Variants in MICAL3 observed in about 807,000 individuals in gnomAD.
MICAL3 encodes [F-actin]-monooxygenase MICAL3.
In MICAL3, 62 loss-of-function variants were observed where a neutral mutation model predicts 207.4. That is an observed-to-expected ratio of 0.30 (90% confidence interval 0.24 to 0.37). The LOEUF is 0.37. Ranked by LOEUF, MICAL3 falls within the 10% of genes least tolerant of loss-of-function variation. The pLI is 1.00. For missense variants in MICAL3, 2,368 were observed against 2,635.6 expected (o/e 0.90, Z 2.22); for synonymous variants, 1,077 against 1,069.3 (o/e 1.01, Z -0.14).
chr22:17,990,676 T>G (rs567400588), intron 1 of MICAL3, among the ~76,000 whole-genome samples: 12 of 152,276 alleles, frequency 7.9e-5, no homozygotes, highest in Middle Eastern at 3.4e-3. Context: ...CTGATTTAGC[T>G]CCACCATTTA....
At chr22:17,854,684 T>C (rs552341975) in intron 19 of MICAL3, among the ~76,000 whole-genome samples, 1 of 152,332 alleles carries the variant, frequency 6.6e-6, no homozygotes, top group African/African-American at 2.4e-5. Context: ...ACTCTACTGA[T>C]GGAAGGTGAT....
At chr22:17,976,790 C>T (rs2146425432) in intron 1 of MICAL3, among the ~76,000 whole-genome samples, 1 of 148,202 alleles carries the variant, frequency 6.7e-6, no homozygotes, top group Non-Finnish European at 1.5e-5. Context: ...TTACAGACTA[C>T]TTAGTTCTAG....
At position 17,788,837 on chromosome 22, in the gene MICAL3, T is replaced by G. The variant is rs773923896; in HGVS notation, c.*1895A>C. ...AAGTTGAAGCACAGTGTGGTTCCCA[T>G]GGAAAGCCCAAGGTCAGCACAGCCA... On this transcript the variant is annotated 3_prime_UTR_variant, in exon 32 of 32. Transcript: ENST00000441493. 6.6e-6 allele frequency: 1 copy of G among 152,438 alleles called. No individual in the cohort carries two copies. Among genetic ancestry groups the G allele is most frequent in the South Asian group, 2.1e-4 (1 of 4,836 alleles). 9.4% of individuals were successfully genotyped at this position (152,438 alleles called of 1,614,324 possible).
intron 1 of MICAL3, among the ~76,000 whole-genome samples, chr22:17,925,149 C>T (rs1031160304): frequency 3.3e-5 from 5 of 152,074 alleles, no homozygotes; most frequent in Admixed American, 1.3e-4. Flanking sequence ...CACTAGGTGC[C>T]GAGCACCTGA....
At chr22:17,829,731 C>A (rs1214517170) in intron 21 of MICAL3, among the ~76,000 whole-genome samples, 1 of 152,200 alleles carries the variant, frequency 6.6e-6, no homozygotes, top group Non-Finnish European at 1.5e-5. Flanking sequence ...CCTGCACTGG[C>A]GATAGGTTTC....
intron 19 of MICAL3, chr22:17,862,257 T>C (rs932036510): frequency 1.0e-6 from 1 of 985,174 alleles, no homozygotes; most frequent in Admixed American, 6.1e-5. Flanking sequence ...GCTTTCCCTT[T>C]TCTTCTTTTT....
Position 17,796,143 on chromosome 22 carries a change from T to C in MICAL3, c.5651-4842A>G, listed in dbSNP as rs1042207061. Reference sequence around the variant, plus strand: ...CCACCCCTCCTGAGCTCCCGAGCAGTGAGCGGGTCCTGGTCAGAGGACCCC... The same window carrying C: ...CCACCCCTCCTGAGCTCCCGAGCAGCGAGCGGGTCCTGGTCAGAGGACCCC... On this transcript the variant is annotated intron_variant, in intron 29 of 31. Transcript: ENST00000441493. This position sits in a 1 kb window ranked among gnomAD's most constrained non-coding sequence, Gnocchi z 4.4. Among the ~76,000 whole-genome samples, 1 of 152,216 alleles carries C rather than the reference T, an allele frequency of 6.6e-6. No individual in the cohort carries two copies. Among genetic ancestry groups the C allele is most frequent in the African/African-American group, 2.4e-5 (1 of 41,452 alleles).
Position 17,881,214 on chromosome 22 carries a change from G to A in MICAL3, c.2241+4664C>T, listed in dbSNP as rs202078397. The stretch of plus-strand genomic sequence containing the variant: ...ATGCAGAGAGGATCACCTGCTGGCC[G>A]CCATGTGCCCGACAGGGAGGTGGAG... On this transcript the variant is annotated intron_variant, in intron 16 of 31. Transcript: ENST00000441493. The A allele has an allele frequency of 8.9e-5, 143 of 1,612,158 alleles. No individual in the cohort carries two copies. In the African/African-American group the frequency reaches 1.5e-3, roughly 17 times the overall value.
rs115405765 is a variant in MICAL3 at position 17,894,443 on chromosome 22, C to T, written c.1450-539G>A. On this transcript the variant is annotated intron_variant, in intron 10 of 31. Transcript: ENST00000441493. The stretch of plus-strand genomic sequence containing the variant: ...GAAAAGAGAGAAAAAATTAGTTACT[C>T]GGTCATGGAGGTCCCTCTAAGAGTC... 4.0e-3 allele frequency among the ~76,000 whole-genome samples: 594 copies of T among 150,358 alleles called. 3 individuals are homozygous for T. The highest frequency in any genetic ancestry group is 0.014 in the African/African-American group (567 of 41,000).
chr22:17,881,151 CACAG>C, intron 16 of MICAL3: 1 of 1,453,100 alleles, frequency 6.9e-7, no homozygotes, highest in Non-Finnish European at 9.7e-7. Context: ...TAGCCACCTA[CACAG>C]ACAGGCAGGC....
At chr22:17,881,861 G>A (rs1929461024) in intron 16 of MICAL3, among the ~76,000 whole-genome samples, 1 of 152,200 alleles carries the variant, frequency 6.6e-6, no homozygotes, top group East Asian at 1.9e-4. Context: ...ACTAACATTT[G>A]AATGCCATAT....
At chr22:17,816,653 C>T in intron 27 of MICAL3, 37 bp downstream of exon 27, 1 of 1,475,414 alleles carries the variant, frequency 6.8e-7, no homozygotes, top group Non-Finnish European at 9.3e-7. Context: ...ACAGACAGGG[C>T]CCCAGGCCCT....
chr22:18,013,757 G>A (rs551334563), intron 1 of MICAL3, among the ~76,000 whole-genome samples: 2 of 152,196 alleles, frequency 1.3e-5, no homozygotes, highest in South Asian at 2.1e-4. Context: ...AAAGATTACT[G>A]CTTCTGAGTT....
At chr22:18,001,360 G>A (rs1248335453) in intron 1 of MICAL3, 1 of 152,284 alleles carries the variant, frequency 6.6e-6, no homozygotes. Context: ...GGGACGGTTG[G>A]CGCGGGTCGG....
intron 28 of MICAL3, among the ~76,000 whole-genome samples, chr22:17,809,270 A>G (rs1046485463): frequency 2.0e-5 from 3 of 152,214 alleles, no homozygotes; most frequent in African/African-American, 7.2e-5. Flanking sequence ...GACTGTTCTC[A>G]CGGCAAGACT....
At chr22:17,991,374 T>C (rs1373163966) in intron 1 of MICAL3, among the ~76,000 whole-genome samples, 1 of 152,262 alleles carries the variant, frequency 6.6e-6, no homozygotes, top group African/African-American at 2.4e-5. Flanking sequence ...TTTAAATTCC[T>C]ACAGAAGGAA....
intron 16 of MICAL3, among the ~76,000 whole-genome samples, chr22:17,880,631 CGCCTGCTGTCCTCACTG>C (rs367980080): frequency 0.011 from 1,640 of 152,294 alleles, 24 homozygotes; most frequent in African/African-American, 0.035. Flanking sequence ...CGCAGACACA[CGCCTGCTGTCCTCACTG>C]GCCTGCTGTC....
At chr22:17,943,022 C>T (rs1314390989) in intron 1 of MICAL3, among the ~76,000 whole-genome samples, 1 of 152,242 alleles carries the variant, frequency 6.6e-6, no homozygotes, top group Non-Finnish European at 1.5e-5. Flanking sequence ...CTATGATGGA[C>T]ACATGCTGAC....
chr22:17,806,452 GAA>G lies in MICAL3; in HGVS notation c.5650+2390_5650+2391del, dbSNP rs200221858. ...TTAGATTTGCTGTGATCCAACTGTG[GAA>G]AAAAAAAAAAAAAAGCTCTTGCCTC... On this transcript the variant is annotated intron_variant, in intron 29 of 31. Coordinates refer to ENST00000441493, the MANE Select transcript of MICAL3 (RefSeq NM_015241.3). Among the ~76,000 whole-genome samples the G allele has an allele frequency of 2.1e-4, 23 of 107,234 alleles. No homozygotes were observed. In the East Asian group the frequency reaches 2.8e-3, roughly 13 times the overall value. 70.3% of individuals were successfully genotyped at this position (107,234 alleles called of 152,430 possible). A position where few individuals can be genotyped will look rare whatever the true frequency, so the allele number is the denominator to read the frequency against.
Sources: gnomAD v4.1 joint callset for allele counts (sites outside exome capture counted in the v4.1 genomes callset) on GRCh38, gnomAD v4.1.1 for gene constraint, Gnocchi (gnomAD v3.1) non-coding constraint, MANE v1.5 for transcripts, NCBI Gene and HGNC (gene_info 2026-07-23, HGNC 2026-07-21) for gene names.